MLLT3: variants seen among roughly 807,000 people sequenced by gnomAD.
MLLT3 encodes the protein protein AF-9.
Under a neutral mutation model 53.2 loss-of-function variants are expected in MLLT3, and 4 were observed. The observed-to-expected ratio is 0.08, with a 90% CI of 0.04 to 0.17. The LOEUF (loss-of-function observed/expected upper bound fraction) is 0.17. MLLT3 is among the 10% of genes least tolerant of loss of function. MLLT3 has a pLI of 1.00. For synonymous variants in MLLT3, 283 were observed against 230.6 expected, an observed-to-expected ratio of 1.23 and a Z score of -2.06; for missense variants, 569 against 684.0, an observed-to-expected ratio of 0.83 and a Z score of 1.87.
At chr9:20,449,931 G>T (rs940852134) in intron 3 of MLLT3, among the ~76,000 whole-genome samples, 8 of 152,078 alleles carry the variant, frequency 5.3e-5, no homozygotes, top group Non-Finnish European at 1.0e-4. Flanking sequence ...CATTCACAAG[G>T]AGTCAGTTCC....
chr9:20,375,610 C>CTTTTTT (rs1307638910), intron 5 of MLLT3, among the ~76,000 whole-genome samples: 2 of 94,840 alleles, frequency 2.1e-5, no homozygotes, highest in African/African-American at 2.0e-4. Flanking sequence ...TTTTTCTTTT[C>CTTTTTT]TTTTTTTTTT....
At chr9:20,530,376 G>A (rs767244048) in intron 2 of MLLT3, among the ~76,000 whole-genome samples, 28 of 152,086 alleles carry the variant, frequency 1.8e-4, no homozygotes, top group Non-Finnish European at 3.1e-4. Flanking sequence ...TTTAACATAC[G>A]TATTTTATTC....
At chr9:20,574,529 T>TA (rs1258431549) in intron 2 of MLLT3, among the ~76,000 whole-genome samples, 7 of 152,234 alleles carry the variant, frequency 4.6e-5, no homozygotes, top group African/African-American at 1.7e-4. Flanking sequence ...GTCTATTGAG[T>TA]ATGCAATAGC....
chr9:20,561,048 A>C (rs1241711344), intron 2 of MLLT3, among the ~76,000 whole-genome samples: 1 of 152,176 alleles, frequency 6.6e-6, no homozygotes, highest in Non-Finnish European at 1.5e-5. Flanking sequence ...TGAAAAGCAA[A>C]GGGACCAGGG....
chr9:20,421,323 T>C (rs957216900), intron 4 of MLLT3, among the ~76,000 whole-genome samples: 3 of 151,592 alleles, frequency 2.0e-5, no homozygotes, highest in East Asian at 1.9e-4. Flanking sequence ...ACAATGAAAA[T>C]AGCACTTCAT....
chr9:20,485,040 G>A (rs935571901), intron 2 of MLLT3, among the ~76,000 whole-genome samples: 4 of 151,204 alleles, frequency 2.6e-5, no homozygotes. Flanking sequence ...CCAGACTGGA[G>A]TGCAGTGGCG....
At chr9:20,544,241 C>T (rs533949128) in intron 2 of MLLT3, among the ~76,000 whole-genome samples, 2 of 152,124 alleles carry the variant, frequency 1.3e-5, no homozygotes, top group East Asian at 1.9e-4. Flanking sequence ...TTCAGAATAT[C>T]GGATTTGGGA....
At chr9:20,505,751 T>C (rs1317594273) in intron 2 of MLLT3, among the ~76,000 whole-genome samples, 1 of 152,202 alleles carries the variant, frequency 6.6e-6, no homozygotes, top group Admixed American at 6.5e-5. Context: ...AGGTTTTTCC[T>C]CGTCCTCTAT....
chr9:20,441,022 A>T (rs901689027), intron 4 of MLLT3, among the ~76,000 whole-genome samples: 1 of 152,154 alleles, frequency 6.6e-6, no homozygotes, highest in Non-Finnish European at 1.5e-5. Flanking sequence ...AATACTGACA[A>T]CTAAACACTC....
chr9:20,603,315 G>C (rs1490740686), intron 2 of MLLT3, among the ~76,000 whole-genome samples: 1 of 151,994 alleles, frequency 6.6e-6, no homozygotes, highest in African/African-American at 2.4e-5. Context: ...ACCTGTTTCA[G>C]CTCTGATCTC....
intron 4 of MLLT3, among the ~76,000 whole-genome samples, chr9:20,426,568 A>G (rs1419474979): frequency 6.6e-6 from 1 of 152,136 alleles, no homozygotes; most frequent in Non-Finnish European, 1.5e-5. Context: ...AATCAGGTTT[A>G]TGCTATCTTG....
intron 2 of MLLT3, among the ~76,000 whole-genome samples, chr9:20,521,581 G>A (rs1818060029): frequency 6.6e-6 from 1 of 152,098 alleles, no homozygotes; most frequent in South Asian, 2.1e-4. Flanking sequence ...CCTCTATGGT[G>A]GCTTTTGATT....
chr9:20,375,160 C>A (rs1821726315), intron 5 of MLLT3, among the ~76,000 whole-genome samples: 1 of 152,166 alleles, frequency 6.6e-6, no homozygotes, highest in South Asian at 2.1e-4. Flanking sequence ...TATGGCAGCC[C>A]AAGCTGACTA....
intron 2 of MLLT3, among the ~76,000 whole-genome samples, chr9:20,498,266 A>AAACAG (rs760352616): frequency 1.0e-5 from 1 of 98,284 alleles, no homozygotes; most frequent in African/African-American, 3.6e-5. Context: ...AAAAAAAAAA[A>AAACAG]GTTCTTCTAG....
chr9:20,571,087 A>T (rs1223614005), intron 2 of MLLT3, among the ~76,000 whole-genome samples: 1 of 152,246 alleles, frequency 6.6e-6, no homozygotes, highest in Non-Finnish European at 1.5e-5. Flanking sequence ...TTAGTTACAC[A>T]CAGAAAAAAA....
At chr9:20,547,030 G>T (rs978248087) in intron 2 of MLLT3, among the ~76,000 whole-genome samples, 1 of 152,132 alleles carries the variant, frequency 6.6e-6, no homozygotes, top group Non-Finnish European at 1.5e-5. Context: ...CTGGCTCTGG[G>T]TCTCTTCTTT....
chr9:20,573,413 C>A (rs1819581683), intron 2 of MLLT3, among the ~76,000 whole-genome samples: 1 of 152,116 alleles, frequency 6.6e-6, no homozygotes, highest in African/African-American at 2.4e-5. Context: ...CTCCTAAGCT[C>A]AAGGAATCCA....
intron 4 of MLLT3, among the ~76,000 whole-genome samples, chr9:20,422,232 G>T (rs1823026897): frequency 6.6e-6 from 1 of 152,062 alleles, no homozygotes; most frequent in Non-Finnish European, 1.5e-5. Flanking sequence ...GAAAAAGAAA[G>T]GTCTCCTGTT....
chr9:20,358,163 T>C (rs1821220041), intron 8 of MLLT3, among the ~76,000 whole-genome samples: 1 of 152,116 alleles, frequency 6.6e-6, no homozygotes, highest in Non-Finnish European at 1.5e-5. Context: ...CTTAAAGGGA[T>C]AGCATCACAC....
Sources: gnomAD v4.1 joint callset for allele counts (sites outside exome capture counted in the v4.1 genomes callset) on GRCh38, gnomAD v4.1.1 for gene constraint, MANE v1.5 for transcripts, NCBI Gene and HGNC (gene_info 2026-07-23, HGNC 2026-07-21) for gene names.